DDO: variants seen among roughly 807,000 people sequenced by gnomAD.
The protein encoded by DDO is D-aspartate oxidase, DDO.
Under a neutral mutation model 16.8 loss-of-function variants are expected in DDO, and 16 were observed. That is an observed-to-expected ratio of 0.95 (90% CI 0.65 to 1.45). The LOEUF (loss-of-function observed/expected upper bound fraction) is 1.45, where lower values mean the gene tolerates loss of function less well. DDO is among the 40% of genes most tolerant of loss of function. DDO has a pLI of 0.00. For synonymous variants in DDO, 180 were observed against 167.2 expected, an observed-to-expected ratio of 1.08 and a Z score of -0.59; for missense variants, 429 against 420.3, an observed-to-expected ratio of 1.02 and a Z score of -0.18.
chr6:110,393,508 T>C (rs1029973488), intron 4 of DDO, among the ~76,000 whole-genome samples, 166 bp from the exon 5 acceptor site: 1 of 152,218 alleles, frequency 6.6e-6, no homozygotes, highest in African/African-American at 2.4e-5. Flanking sequence ...CATCAACTGC[T>C]TCACATCCTA....
chr6:110,406,286 C>T (rs1178296560), intron 3 of DDO, among the ~76,000 whole-genome samples: 7 of 152,186 alleles, frequency 4.6e-5, no homozygotes. Flanking sequence ...CACACACATG[C>T]ACGCATGCAT....
At chr6:110,391,153 T>TAGACAAA (rs1773091433), downstream of DDO, among the ~76,000 whole-genome samples, 1 of 152,220 alleles carries the variant, frequency 6.6e-6, no homozygotes, top group African/African-American at 2.4e-5. Flanking sequence ...CAGCAGAATG[T>TAGACAAA]TCTCTGCAAA....
chr6:110,393,842 C>T (rs753542269), intron 4 of DDO, among the ~76,000 whole-genome samples: 8 of 152,194 alleles, frequency 5.3e-5, no homozygotes, highest in Admixed American at 2.0e-4. Context: ...TATGTTAGCA[C>T]GAGAAGAACA....
chr6:110,413,335 G>T lies in DDO; in HGVS notation c.128C>A (p.Thr43Asn). ...IISDKFTPDT[T>N]SDVAAGMLIP... is the part of the protein sequence containing the mutation. ...AAGCATTCCGGCTGCCACATCACTG[G>T]TGGTATCTGGAGTAAACTTGTCTGA... Residue 43 changes from threonine to asparagine, a missense_variant, in exon 2 of 5, where the codon ACC (threonine) becomes AAC (asparagine). Thr to Asn is a moderately conservative substitution (Grantham distance 65). Transcript: ENST00000368924. The T allele has an allele frequency of 6.2e-7, 1 of 1,614,158 alleles. No individual in the cohort carries two copies. Among genetic ancestry groups the T allele is most frequent in the Non-Finnish European group, 8.5e-7 (1 of 1,180,038 alleles).
At chr6:110,406,723 G>A (rs373019075) in intron 3 of DDO, among the ~76,000 whole-genome samples, 5 of 151,688 alleles carry the variant, frequency 3.3e-5, no homozygotes, top group African/African-American at 9.7e-5. Context: ...TGTCTCCTTC[G>A]TCTCCCACCC....
intron 2 of DDO, 69 bp from the exon 3 acceptor site, chr6:110,408,511 G>T: frequency 7.2e-7 from 1 of 1,396,550 alleles, no homozygotes; most frequent in Non-Finnish European, 9.9e-7. Context: ...CTTCAAATAA[G>T]CTCCTTCCTA....
rs1049444062 is a variant in DDO at position 110,413,829 on chromosome 6, A to G, written c.-4-363T>C. On this transcript the variant is annotated intron_variant, in intron 1 of 4. Transcript: ENST00000368924. Reference sequence around the variant, plus strand: ...TGCTCTGTTGCCCAGCCTGGAGTACAGCGACGAGATCTCGGCTCACTGCAA... The same window carrying G: ...TGCTCTGTTGCCCAGCCTGGAGTACGGCGACGAGATCTCGGCTCACTGCAA... Among the ~76,000 whole-genome samples, 12 of 152,100 alleles carry G rather than the reference A, an allele frequency of 7.9e-5. No homozygotes were observed. The East Asian group carries it at 2.3e-3, about 29-fold the overall frequency.
chr6:110,403,968 A>G (rs1254877456), intron 4 of DDO, among the ~76,000 whole-genome samples: 1 of 152,242 alleles, frequency 6.6e-6, no homozygotes, highest in Non-Finnish European at 1.5e-5. Flanking sequence ...GTACCAGATC[A>G]CTGTTGCCCT....
At position 110,393,319 on chromosome 6, in the gene DDO, G is replaced by T. The variant is rs139844778; in HGVS notation, c.482C>A (p.Thr161Lys). 3.1e-6 allele frequency: 5 copies of T among 1,604,562 alleles called. No homozygotes were observed. In the South Asian group the frequency reaches 5.5e-5, roughly 18 times the overall value. The change falls in exon 5 of 5, where the codon ACA (threonine) becomes AAA (lysine). Residue 161 changes from threonine (T) to lysine (K), a missense_variant. Coordinates refer to ENST00000368924, the MANE Select transcript of DDO (RefSeq NM_001372108.2). The part of the protein sequence containing the change: ...EKRIKGSGGW[T>K]LTRRIEDLWE... Reference sequence around the variant, plus strand: ...CAGGTCTTCTATTCGCCGAGTGAGTGTCCAGCCTCCACTTCCCTTTATCCT... The same window carrying T: ...CAGGTCTTCTATTCGCCGAGTGAGTTTCCAGCCTCCACTTCCCTTTATCCT...
intron 4 of DDO, among the ~76,000 whole-genome samples, chr6:110,400,028 C>T (rs1021015854): frequency 3.3e-5 from 5 of 152,184 alleles, no homozygotes. Flanking sequence ...CGGCCGATGG[C>T]GTTGCCGTCC....
chr6:110,410,622 A>T (rs182716358), intron 2 of DDO, among the ~76,000 whole-genome samples: 1 of 152,302 alleles, frequency 6.6e-6, no homozygotes, highest in East Asian at 1.9e-4. Context: ...TGAGCTCAGC[A>T]AAGTGGGGAA....
At chr6:110,398,053 C>T (rs1186476367) in intron 4 of DDO, among the ~76,000 whole-genome samples, 1 of 152,084 alleles carries the variant, frequency 6.6e-6, no homozygotes, top group Non-Finnish European at 1.5e-5. Context: ...CCTCTTGGGG[C>T]TTCTTGCAAC....
At chr6:110,410,187 T>C (rs1303332403) in intron 2 of DDO, among the ~76,000 whole-genome samples, 1 of 152,250 alleles carries the variant, frequency 6.6e-6, no homozygotes, top group African/African-American at 2.4e-5. Context: ...CCAAAGTCTT[T>C]ATCTAGCAGC....
At chr6:110,400,821 C>T (rs956874990) in intron 4 of DDO, among the ~76,000 whole-genome samples, 1 of 152,248 alleles carries the variant, frequency 6.6e-6, no homozygotes. Flanking sequence ...TCATCTGAGC[C>T]GCACCTTCTT....
At position 110,393,324 on chromosome 6, in the gene DDO, G is replaced by T. The variant is rs761396197; in HGVS notation, c.477C>A (p.Gly159=). The T allele has an allele frequency of 6.2e-7, 1 of 1,603,634 alleles. No homozygotes were observed. Among genetic ancestry groups the T allele is most frequent in the Non-Finnish European group, 8.5e-7 (1 of 1,172,736 alleles). The change falls in exon 5 of 5, where the codon GGC becomes GGA. Residue 159 remains glycine (G), a synonymous_variant. Coordinates refer to ENST00000368924, the MANE Select transcript of DDO (RefSeq NM_001372108.2). ...CTTCTATTCGCCGAGTGAGTGTCCA[G>T]CCTCCACTTCCCTTTATCCTACGGA... is the stretch of plus-strand genomic sequence containing the variant. ...WLEKRIKGSG[G]WTLTRRIEDL... is the part of the protein sequence containing the mutation.
At chr6:110,408,576 C>T (rs1267746106) in intron 2 of DDO, 134 bp from the exon 3 acceptor site, 1 of 708,380 alleles carries the variant, frequency 1.4e-6, no homozygotes, top group Non-Finnish European at 2.3e-6. Flanking sequence ...CAGGGAGGAA[C>T]ATTAATATAA....
rs368762276 is a variant in DDO, at chr6:110,403,204, T to TA, written c.458+1569dup. On this transcript the variant is annotated intron_variant, in intron 4 of 4. Transcript: ENST00000368924. Reference sequence around the variant, plus strand: ...TTTGCCATGCCTAATAATTTCCACTTACCTAAATTTTATTTTATTTTATTG... The same window carrying TA: ...TTTGCCATGCCTAATAATTTCCACTTAACCTAAATTTTATTTTATTTTATTG... 1.9e-4 allele frequency among the ~76,000 whole-genome samples: 29 copies of TA among 152,360 alleles called. 1 individual carries two copies. Among genetic ancestry groups the TA allele is most frequent in the African/African-American group, 6.0e-4 (25 of 41,586 alleles).
At chr6:110,412,866 T>A (rs1445481967) in intron 2 of DDO, among the ~76,000 whole-genome samples, 1 of 152,164 alleles carries the variant, frequency 6.6e-6, no homozygotes, top group African/African-American at 2.4e-5. Flanking sequence ...AACCGCACAT[T>A]ATGGCCAAGC....
At chr6:110,399,467 G>A (rs547345170) in intron 4 of DDO, among the ~76,000 whole-genome samples, 29 of 152,348 alleles carry the variant, frequency 1.9e-4, no homozygotes, top group African/African-American at 6.3e-4. Context: ...CATGTGGGTC[G>A]CCTGGCGGGA....
Sources: allele counts gnomAD v4.1 joint callset (sites outside exome capture counted in the v4.1 genomes callset), GRCh38; gene constraint gnomAD v4.1.1; transcripts MANE v1.5; gene names NCBI Gene and HGNC (gene_info 2026-07-23, HGNC 2026-07-21).